TRIP4: variants seen among roughly 807,000 people sequenced by gnomAD.
TRIP4 encodes the protein thyroid hormone receptor interactor 4.
Under a neutral mutation model 81.8 loss-of-function variants are expected in TRIP4, and 54 were observed. The observed-to-expected ratio is 0.66, with a 90% CI of 0.53 to 0.83. TRIP4 has a LOEUF of 0.83. Among genes scored for constraint, TRIP4 ranks in the 40% least tolerant of loss-of-function variants. The probability of loss-of-function intolerance (pLI) is 0.00; values close to 1 mark genes in which losing one functional copy is unlikely to be tolerated. For missense variants in TRIP4, 662 were observed against 683.6 expected (o/e 0.97, Z 0.35); for synonymous variants, 270 against 242.8 (o/e 1.11, Z -1.04).
intron 5 of TRIP4, among the ~76,000 whole-genome samples, chr15:64,403,355 C>T (rs899005130): frequency 1.5e-4 from 23 of 149,436 alleles, no homozygotes. Context: ...TGGGGTTTCA[C>T]CATGTTGGTT....
At chr15:64,400,886 T>C in intron 5 of TRIP4, 65 bp downstream of exon 5, 1 of 1,359,580 alleles carries the variant, frequency 7.4e-7, no homozygotes, top group Non-Finnish European at 1.0e-6. Flanking sequence ...TGTGGTTGTT[T>C]CTCTTTTCTG....
chr15:64,435,460 A>G (rs2140307438), intron 11 of TRIP4, among the ~76,000 whole-genome samples: 1 of 148,898 alleles, frequency 6.7e-6, no homozygotes, highest in South Asian at 2.1e-4. Context: ...TGGGTGGCGG[A>G]GGTTGCAGTG....
chr15:64,441,496 G>A (rs557069759), intron 11 of TRIP4, among the ~76,000 whole-genome samples: 1 of 149,850 alleles, frequency 6.7e-6, no homozygotes, highest in African/African-American at 2.5e-5. Flanking sequence ...GGAGAGGGCC[G>A]GGCGTGGTGG....
intron 9 of TRIP4, among the ~76,000 whole-genome samples, chr15:64,420,505 A>G (rs1188145325): frequency 6.7e-6 from 1 of 149,356 alleles, no homozygotes; most frequent in Non-Finnish European, 1.5e-5. Context: ...TATCATTACA[A>G]CATATGTCTT....
intron 11 of TRIP4, among the ~76,000 whole-genome samples, chr15:64,435,593 T>C (rs1375767598): frequency 1.3e-5 from 2 of 151,128 alleles, no homozygotes; most frequent in Non-Finnish European, 2.9e-5. Context: ...TAAGTATTTA[T>C]TAACTATCTG....
At chr15:64,418,068 C>G (rs571567251) in intron 8 of TRIP4, among the ~76,000 whole-genome samples, 1 of 152,158 alleles carries the variant, frequency 6.6e-6, no homozygotes, top group Non-Finnish European at 1.5e-5. Flanking sequence ...TATCTCTACC[C>G]TTTTGGCCTT....
intron 11 of TRIP4, among the ~76,000 whole-genome samples, chr15:64,428,662 G>A (rs1892202669): frequency 6.6e-6 from 1 of 152,064 alleles, no homozygotes; most frequent in South Asian, 2.1e-4. Flanking sequence ...AGGCTGGAAT[G>A]CAGTGGTGCA....
At chr15:64,433,528 C>T (rs1182578411) in intron 11 of TRIP4, among the ~76,000 whole-genome samples, 1 of 152,056 alleles carries the variant, frequency 6.6e-6, no homozygotes, top group African/African-American at 2.4e-5. Context: ...CACATGAACC[C>T]AGGAGGCAGA....
chr15:64,426,700 A>C (rs1378303352), intron 11 of TRIP4, among the ~76,000 whole-genome samples: 1 of 13,382 alleles, frequency 7.5e-5, no homozygotes, highest in African/African-American at 9.0e-5. Flanking sequence ...ACTCTGTCTC[A>C]AAAAAAAAAA....
chr15:64,447,134 C>CA (rs11347338), intron 12 of TRIP4, among the ~76,000 whole-genome samples: 9 of 151,644 alleles, frequency 5.9e-5, no homozygotes, highest in Middle Eastern at 3.4e-3. Flanking sequence ...CAAAAACAAA[C>CA]AAAAAAAACA....
In TRIP4 at chr15:64,455,262, C is replaced by T. The variant is rs1347149765; in HGVS notation, c.*198C>T. The T allele has an allele frequency of 2.3e-6, 1 of 436,872 alleles. No individual in the cohort carries two copies. The highest frequency in any genetic ancestry group is 2.0e-5 in the African/African-American group (1 of 49,290). 27.1% of individuals were successfully genotyped at this position (436,872 alleles called of 1,614,324 possible). ...CTACTTTATGTAATGGGGTCGAAAT[C>T]TTTGAACACATTATTTATAAAAACC... On this transcript the variant is annotated 3_prime_UTR_variant, in exon 13 of 13. Transcript: ENST00000261884.
chr15:64,435,213 C>CAAA (rs35216763), intron 11 of TRIP4, among the ~76,000 whole-genome samples: 609 of 49,882 alleles, frequency 0.012, 30 homozygotes, highest in African/African-American at 0.043. Flanking sequence ...GACCCCATCT[C>CAAA]AAAAAAAAAA....
At chr15:64,419,561 T>C (rs982001231) in intron 9 of TRIP4, among the ~76,000 whole-genome samples, 1 of 151,616 alleles carries the variant, frequency 6.6e-6, no homozygotes, top group Non-Finnish European at 1.5e-5. Context: ...GGTTTCACCT[T>C]GTTAGCCAGG....
intron 4 of TRIP4, among the ~76,000 whole-genome samples, chr15:64,399,576 A>C (rs1891441121): frequency 6.6e-6 from 1 of 152,022 alleles, no homozygotes; most frequent in African/African-American, 2.4e-5. Flanking sequence ...GCTCACTGCA[A>C]CTTCCGCCTC....
At position 64,406,402 on chromosome 15, in the gene TRIP4, C is replaced by G. The variant is rs759932789; in HGVS notation, c.770C>G (p.Ser257Cys). The G allele has an allele frequency of 2.5e-6, 4 of 1,614,028 alleles. No homozygotes were observed. The East Asian group carries it at 8.9e-5, about 36-fold the overall frequency. The change falls in exon 6 of 13, where the codon TCT (serine) becomes TGT (cysteine). Residue 257 changes from serine (S) to cysteine (C), a missense_variant. Physicochemically the swap from Ser to Cys is moderately radical, Grantham distance 112 (BLOSUM62 -1). Coordinates refer to ENST00000261884, the MANE Select transcript of TRIP4 (RefSeq NM_016213.5). ...CCTCATCAAGAATTGCGAATTAAGT[C>G]TGGTCTGGAGAAGGCTATCAAGCAT... ...LLPHQELRIK[S>C]GLEKAIKHKD...
intron 4 of TRIP4, among the ~76,000 whole-genome samples, chr15:64,400,429 C>T (rs905976371): frequency 3.3e-5 from 5 of 151,232 alleles, no homozygotes; most frequent in African/African-American, 1.2e-4. Flanking sequence ...CCACCTCAGC[C>T]TCCCAAAGTG....
At chr15:64,421,166 C>T (rs1212131170) in intron 9 of TRIP4, among the ~76,000 whole-genome samples, 2 of 150,810 alleles carry the variant, frequency 1.3e-5, no homozygotes, top group Non-Finnish European at 2.9e-5. Context: ...CCTGTAATCC[C>T]AGCTACTCAA....
chr15:64,422,055 A>T (rs1290502857), intron 9 of TRIP4, among the ~76,000 whole-genome samples: 1 of 151,990 alleles, frequency 6.6e-6, no homozygotes, highest in Non-Finnish European at 1.5e-5. Context: ...GCAAGAGGCT[A>T]TACCATAGCC....
chr15:64,435,008 G>T (rs992146074), intron 11 of TRIP4, among the ~76,000 whole-genome samples: 1 of 151,472 alleles, frequency 6.6e-6, no homozygotes, highest in Non-Finnish European at 1.5e-5. Context: ...TTGAGCCCAG[G>T]AGTTCGAGAT....
Sources: gnomAD v4.1 joint callset for allele counts (sites outside exome capture counted in the v4.1 genomes callset) on GRCh38, gnomAD v4.1.1 for gene constraint, MANE v1.5 for transcripts, NCBI Gene and HGNC (gene_info 2026-07-23, HGNC 2026-07-21) for gene names.